Variants in EFCAB13 observed in about 807,000 individuals in gnomAD.
EFCAB13 encodes EF-hand calcium-binding domain-containing protein 13.
Under a neutral mutation model 110.2 loss-of-function variants are expected in EFCAB13, and 91 were observed. The ratio of observed to expected loss-of-function variants is 0.83; its 90% CI spans 0.70 to 0.98. The LOEUF is 0.98. Ranked by LOEUF, EFCAB13 falls within the 50% of genes least tolerant of loss-of-function variation. EFCAB13 has a pLI of 0.00. For synonymous variants in EFCAB13, 323 were observed against 369.9 expected (o/e 0.87, Z 1.45); for missense variants, 968 against 1,119.4 (o/e 0.86, Z 1.93).
intron 14 of EFCAB13, among the ~76,000 whole-genome samples, chr17:47,380,227 A>G (rs1486061690): frequency 1.3e-5 from 2 of 150,412 alleles, no homozygotes; most frequent in Non-Finnish European, 3.0e-5. Flanking sequence ...CTATCCCCCT[A>G]CTAGCCCCCT....
At chr17:47,373,344 A>G (rs2065596180) in intron 11 of EFCAB13, among the ~76,000 whole-genome samples, 1 of 151,750 alleles carries the variant, frequency 6.6e-6, no homozygotes. Context: ...ATTTCACTGA[A>G]TTTTTTTCTC....
intron 14 of EFCAB13, among the ~76,000 whole-genome samples, chr17:47,385,099 A>G (rs1192207759): frequency 6.6e-6 from 1 of 152,100 alleles, no homozygotes; most frequent in Non-Finnish European, 1.5e-5. Context: ...TCAACCGTGG[A>G]GAGTCTGATG....
At chr17:47,432,535 A>C (rs1905138417) in intron 24 of EFCAB13, among the ~76,000 whole-genome samples, 1 of 152,166 alleles carries the variant, frequency 6.6e-6, no homozygotes, top group South Asian at 2.1e-4. Context: ...GGCTGCAGTG[A>C]GCTGTATTCG....
At chr17:47,326,036 C>T (rs866631900) in intron 2 of EFCAB13, among the ~76,000 whole-genome samples, 190 bp from the exon 3 acceptor site, 1 of 147,922 alleles carries the variant, frequency 6.8e-6, no homozygotes, top group South Asian at 2.2e-4. Context: ...AGCATGCAGA[C>T]ATATACGTTG....
chr17:47,393,782 T>C (rs894216134), intron 15 of EFCAB13, among the ~76,000 whole-genome samples: 27 of 150,706 alleles, frequency 1.8e-4, no homozygotes, highest in African/African-American at 6.3e-4. Flanking sequence ...AAGTTAAAAA[T>C]ATTATGTATG....
intron 9 of EFCAB13, among the ~76,000 whole-genome samples, chr17:47,351,895 T>C (rs539800585): frequency 6.7e-6 from 1 of 149,764 alleles, no homozygotes; most frequent in East Asian, 2.0e-4. Flanking sequence ...TGGGTTTTCA[T>C]GTAGTTTTTT....
intron 9 of EFCAB13, among the ~76,000 whole-genome samples, chr17:47,359,667 T>C (rs894489075): frequency 6.6e-6 from 1 of 151,132 alleles, no homozygotes; most frequent in African/African-American, 2.4e-5. Context: ...GGTACATGTG[T>C]ACAATGTGCA....
chr17:47,435,413 A>G (rs1905193598), intron 24 of EFCAB13, among the ~76,000 whole-genome samples: 1 of 152,110 alleles, frequency 6.6e-6, no homozygotes, highest in Non-Finnish European at 1.5e-5. Flanking sequence ...CTTTTACGCT[A>G]CTGGTGGGAG....
In EFCAB13 at chr17:47,440,886, CT is replaced by C; in HGVS notation, c.*177del. On this transcript the variant is annotated 3_prime_UTR_variant, in exon 25 of 25. Coordinates refer to ENST00000331493, the MANE Select transcript of EFCAB13 (RefSeq NM_152347.5). ...ATCTTCAGCGACTCTCTTGATCACACTTTTTAAACATTCATGCTTTTTGAGG... is the reference window on the plus strand; with the variant it reads ...ATCTTCAGCGACTCTCTTGATCACACTTTTAAACATTCATGCTTTTTGAGG... 1 of 503,388 alleles carries C rather than the reference CT, an allele frequency of 2.0e-6. No individual in the cohort carries two copies. Among genetic ancestry groups the C allele is most frequent in the Non-Finnish European group, 3.4e-6 (1 of 296,822 alleles). The allele number at this position is 503,388 out of a possible 1,614,324, so 31.2% of individuals were successfully genotyped here. A position where few individuals can be genotyped will look rare whatever the true frequency, so the allele number is the denominator to read the frequency against.
intron 5 of EFCAB13, among the ~76,000 whole-genome samples, chr17:47,336,480 A>T (rs1310590603): frequency 6.6e-6 from 1 of 151,332 alleles, no homozygotes; most frequent in Non-Finnish European, 1.5e-5. Flanking sequence ...TTTAGTAGAG[A>T]TGGGGTTTCA....
chr17:47,354,940 T>C (rs2065471836), intron 9 of EFCAB13, among the ~76,000 whole-genome samples: 1 of 152,210 alleles, frequency 6.6e-6, no homozygotes, highest in South Asian at 2.1e-4. Context: ...TCTTGTGTTT[T>C]TTTCTTGTGT....
chr17:47,425,434 A>T (rs1175805449), intron 23 of EFCAB13, among the ~76,000 whole-genome samples: 1 of 152,192 alleles, frequency 6.6e-6, no homozygotes, highest in Non-Finnish European at 1.5e-5. Context: ...TATTGTACTG[A>T]CCATGAATCT....
intron 3 of EFCAB13, 41 bp from the exon 4 acceptor site, chr17:47,328,228 C>G (rs751291174): frequency 3.5e-6 from 3 of 862,036 alleles, no homozygotes; most frequent in South Asian, 2.8e-5. Flanking sequence ...CTTAAGTGTT[C>G]TAAACAAGCG....
At chr17:47,327,470 T>C (rs2065293161) in intron 3 of EFCAB13, among the ~76,000 whole-genome samples, 1 of 151,906 alleles carries the variant, frequency 6.6e-6, no homozygotes, top group Admixed American at 6.6e-5. Context: ...GCCTTTTTTT[T>C]TATTTTTGAG....
chr17:47,415,886 G>A (rs1199684656), intron 23 of EFCAB13, among the ~76,000 whole-genome samples: 2 of 151,896 alleles, frequency 1.3e-5, no homozygotes, highest in African/African-American at 2.4e-5. Context: ...TGTCCCTGAG[G>A]TTCGTCTTAT....
At chr17:47,355,507 A>C (rs2065475109) in intron 9 of EFCAB13, among the ~76,000 whole-genome samples, 2 of 151,944 alleles carry the variant, frequency 1.3e-5, no homozygotes, top group Admixed American at 1.3e-4. Context: ...CTGCTTTGGA[A>C]ACACCGATTA....
chr17:47,346,438 C>CCA (rs1344021680), intron 8 of EFCAB13, among the ~76,000 whole-genome samples: 1 of 134,066 alleles, frequency 7.5e-6, no homozygotes, highest in Non-Finnish European at 1.6e-5. Flanking sequence ...ACTTTACCCC[C>CCA]CCCCCCATTT....
chr17:47,403,948 CT>C lies in EFCAB13; in HGVS notation c.2091del (p.Leu698Ter), dbSNP rs1390553115. The C allele has an allele frequency of 6.2e-7, 1 of 1,610,686 alleles. No homozygotes were observed. Among genetic ancestry groups the C allele is most frequent in the African/African-American group, 1.3e-5 (1 of 74,702 alleles). ...DMIAGKNLED[F>X]LRNVGIKSPK... The stretch of plus-strand genomic sequence containing the variant: ...TGATAGCTGGGAAGAACTTGGAAGA[CT>C]TTCTAAGAAATGTTGGGATTAAGTC... On this transcript the variant is annotated frameshift_variant, in exon 19 of 25. Transcript: ENST00000331493. LOFTEE classifies it high-confidence loss of function.
intron 4 of EFCAB13, among the ~76,000 whole-genome samples, chr17:47,330,243 T>A (rs1427829449): frequency 6.6e-6 from 1 of 151,162 alleles, no homozygotes; most frequent in East Asian, 1.9e-4. Flanking sequence ...ATATAGCTTC[T>A]TTTTTTTTAA....
Sources: gnomAD v4.1 joint callset for allele counts (sites outside exome capture counted in the v4.1 genomes callset) on GRCh38, gnomAD v4.1.1 for gene constraint, MANE v1.5 for transcripts, NCBI Gene and HGNC (gene_info 2026-07-23, HGNC 2026-07-21) for gene names.